Variants in EIF2AK2 observed in about 807,000 individuals in gnomAD.
The protein encoded by EIF2AK2 is interferon-induced, double-stranded RNA-activated protein kinase.
A neutral mutation model predicts 70.5 loss-of-function variants in EIF2AK2; 40 were observed. The observed-to-expected ratio is 0.57, with a 90% CI of 0.44 to 0.74. The LOEUF is 0.74. Among genes scored for constraint, EIF2AK2 ranks in the 30% least tolerant of loss-of-function variants. The probability of loss-of-function intolerance (pLI) is 0.00; values close to 1 mark genes in which losing one functional copy is unlikely to be tolerated. For synonymous variants in EIF2AK2, 198 were observed against 220.9 expected (o/e 0.90, Z 0.92); for missense variants, 555 against 644.3 (o/e 0.86, Z 1.50).
chr2:37,134,120 G>GT (rs1675041836), intron 10 of EIF2AK2, among the ~76,000 whole-genome samples: 1 of 152,052 alleles, frequency 6.6e-6, no homozygotes, highest in Admixed American at 6.6e-5. Flanking sequence ...AACAGAAAAC[G>GT]TAACCCTAAT....
At position 37,139,635 on chromosome 2, in the gene EIF2AK2, G is replaced by A. The variant is rs1675257698; in HGVS notation, c.512C>T (p.Ser171Leu). The change falls in exon 6 of 17, where the codon TCA becomes TTA. Residue 171 changes from serine (S) to leucine (L), a missense_variant. By Grantham distance (145) the Ser-to-Leu change is moderately radical. Transcript: ENST00000233057. ...TAATCCAAAGGCAATACGTACCACT[G>A]AGGTTTCTTCTGATAATATCTGAAG... ...AYLQILSEET[S>L]VKSDYLSSGS... The A allele has an allele frequency of 6.2e-7, 1 of 1,610,538 alleles. No individual in the cohort carries two copies. The highest frequency in any genetic ancestry group is 1.1e-5 in the South Asian group (1 of 89,900).
At chr2:37,111,274 A>T (rs1239119603) in intron 14 of EIF2AK2, among the ~76,000 whole-genome samples, 2 of 152,204 alleles carry the variant, frequency 1.3e-5, no homozygotes, top group Admixed American at 6.5e-5. Context: ...TAAACTATAC[A>T]CTTAAAAATG....
In EIF2AK2 at chr2:37,105,224, T is replaced by C. The variant is rs1231118054; in HGVS notation, c.*2049A>G. On this transcript the variant is annotated 3_prime_UTR_variant, in exon 17 of 17. Transcript: ENST00000233057. Reference sequence around the variant, plus strand: ...ATGGTAGCTGGTTGCTGCTATAGTTTGCATGTTTGTCCCCCAAAATCTCAT... The same window carrying C: ...ATGGTAGCTGGTTGCTGCTATAGTTCGCATGTTTGTCCCCCAAAATCTCAT... 4 of 152,230 alleles carry C rather than the reference T, an allele frequency of 2.6e-5. No individual in the cohort carries two copies. Among genetic ancestry groups the C allele is most frequent in the Non-Finnish European group, 4.4e-5 (3 of 68,046 alleles). The allele number at this position is 152,230 out of a possible 1,614,324, so 9.4% of individuals were successfully genotyped here. A position where few individuals can be genotyped will look rare whatever the true frequency, so the allele number is the denominator to read the frequency against.
chr2:37,153,336 TC>T (rs1675811534), intron 1 of EIF2AK2, among the ~76,000 whole-genome samples: 1 of 110,972 alleles, frequency 9.0e-6, no homozygotes, highest in Admixed American at 8.7e-5. Context: ...TCTCTGCTAA[TC>T]TTTTTTTTTT....
At chr2:37,126,234 A>G (rs1674723060) in intron 11 of EIF2AK2, 55 bp downstream of exon 11, 1 of 1,509,220 alleles carries the variant, frequency 6.6e-7, no homozygotes, top group Non-Finnish European at 8.9e-7. Context: ...AAAAAAGAAT[A>G]GTGCAGATTC....
chr2:37,130,789 C>T (rs1409691742), intron 10 of EIF2AK2, among the ~76,000 whole-genome samples: 2 of 152,206 alleles, frequency 1.3e-5, no homozygotes, highest in Non-Finnish European at 2.9e-5. Context: ...ACTACCTCTA[C>T]AACCCAGTGT....
chr2:37,132,213 C>G (rs959397120), intron 10 of EIF2AK2, among the ~76,000 whole-genome samples: 3 of 152,164 alleles, frequency 2.0e-5, no homozygotes, highest in Non-Finnish European at 4.4e-5. Flanking sequence ...ATCCCAAACA[C>G]CAAATACAAC....
intron 8 of EIF2AK2, 91 bp from the exon 9 acceptor site, chr2:37,137,108 T>C: frequency 1.9e-6 from 2 of 1,068,794 alleles, no homozygotes; most frequent in East Asian, 5.3e-5. Flanking sequence ...TCTAGATGGC[T>C]CTCTGACCAA....
rs1056357452 is a variant in EIF2AK2 at position 37,153,121 on chromosome 2, G to A, written c.-184+3787C>T. Among the ~76,000 whole-genome samples the A allele has an allele frequency of 4.2e-5, 5 of 118,174 alleles. No individual in the cohort carries two copies. The East Asian group carries it at 1.4e-3, about 34-fold the overall frequency. The allele number at this position is 118,174 out of a possible 152,430, so 77.5% of individuals were successfully genotyped here. On this transcript the variant is annotated intron_variant, in intron 1 of 16. Coordinates refer to ENST00000233057, the MANE Select transcript of EIF2AK2 (RefSeq NM_001135651.3). ...ATTCCTTCTCTACCCTGCAACCATT[G>A]TGATTTTTTTTTTTATGTTTTAAAA...
At chr2:37,129,175 G>T (rs1444753533) in intron 10 of EIF2AK2, among the ~76,000 whole-genome samples, 1 of 151,844 alleles carries the variant, frequency 6.6e-6, no homozygotes, top group Non-Finnish European at 1.5e-5. Context: ...AAATTCAAGA[G>T]GACAAACATC....
At chr2:37,138,402 G>C (rs760960209) in intron 7 of EIF2AK2, 39 bp from the exon 8 acceptor site, 5 of 1,600,640 alleles carry the variant, frequency 3.1e-6, no homozygotes, top group Non-Finnish European at 4.3e-6. Context: ...TATTAATTCT[G>C]TTTTTATCAC....
intron 10 of EIF2AK2, among the ~76,000 whole-genome samples, chr2:37,135,252 G>A (rs1010001466): frequency 1.3e-5 from 2 of 152,170 alleles, no homozygotes; most frequent in East Asian, 3.9e-4. Flanking sequence ...AGCTAAGGGA[G>A]TATCAAAACA....
chr2:37,103,206 T>G lies in EIF2AK2; in HGVS notation c.*4067A>C, dbSNP rs1160208003. The G allele has an allele frequency of 6.6e-6, 1 of 151,946 alleles. No homozygotes were observed. The highest frequency in any genetic ancestry group is 6.6e-5 in the Admixed American group (1 of 15,248). The allele number at this position is 151,946 out of a possible 1,614,324, so 9.4% of individuals were successfully genotyped here. A position where few individuals can be genotyped will look rare whatever the true frequency, so the allele number is the denominator to read the frequency against. On this transcript the variant is annotated 3_prime_UTR_variant, in exon 17 of 17. Transcript: ENST00000233057. ...TATATATATCTTTTTTTTTCTTTTT[T>G]TTTTTTGAGACTGAGTTTTGCTCTT... is the stretch of plus-strand genomic sequence containing the variant.
intron 1 of EIF2AK2, among the ~76,000 whole-genome samples, chr2:37,151,880 C>G (rs991868162): frequency 1.3e-5 from 2 of 152,198 alleles, no homozygotes; most frequent in Non-Finnish European, 2.9e-5. Context: ...AGATCGAGAC[C>G]ACGGTGAAAC....
intron 12 of EIF2AK2, 144 bp downstream of exon 12, chr2:37,122,362 T>C (rs1674583864): frequency 3.2e-6 from 3 of 934,270 alleles, no homozygotes; most frequent in South Asian, 3.6e-5. Context: ...CTCCTTACCT[T>C]CGGAATGGAG....
chr2:37,126,542 T>G, intron 10 of EIF2AK2, 131 bp from the exon 11 acceptor site: 1 of 1,343,172 alleles, frequency 7.4e-7, no homozygotes, highest in Admixed American at 2.8e-5. Flanking sequence ...TCCTTCTGAA[T>G]AAGAAAGATC....
intron 10 of EIF2AK2, among the ~76,000 whole-genome samples, chr2:37,128,176 T>C (rs1449337485): frequency 1.3e-5 from 2 of 152,196 alleles, no homozygotes; most frequent in African/African-American, 4.8e-5. Flanking sequence ...TAATAAACTT[T>C]TGATTCCGTA....
chr2:37,102,900 G>A lies in EIF2AK2; in HGVS notation c.*4373C>T, dbSNP rs1673860760. On this transcript the variant is annotated 3_prime_UTR_variant, in exon 17 of 17. Coordinates refer to ENST00000233057, the MANE Select transcript of EIF2AK2 (RefSeq NM_001135651.3). ...ATGTGAATTTTATGTATGTATTTATGTTAAACATGTACGTATTTAAATAAC... is the reference window on the plus strand; with the variant it reads ...ATGTGAATTTTATGTATGTATTTATATTAAACATGTACGTATTTAAATAAC... 1 of 151,996 alleles carries A rather than the reference G, an allele frequency of 6.6e-6. No individual in the cohort carries two copies. The highest frequency in any genetic ancestry group is 2.4e-5 in the African/African-American group (1 of 41,354). 9.4% of individuals were successfully genotyped at this position (151,996 alleles called of 1,614,324 possible).
intron 5 of EIF2AK2, 35 bp downstream of exon 5, chr2:37,141,518 A>T: frequency 6.2e-7 from 1 of 1,601,870 alleles, no homozygotes; most frequent in Non-Finnish European, 8.5e-7. Flanking sequence ...GCTTAAATAC[A>T]ATGAAACAGA....
Sources: gnomAD v4.1 joint callset for allele counts (sites outside exome capture counted in the v4.1 genomes callset) on GRCh38, gnomAD v4.1.1 for gene constraint, MANE v1.5 for transcripts, NCBI Gene and HGNC (gene_info 2026-07-23, HGNC 2026-07-21) for gene names.